The following AUTS2 variants were observed in gnomAD, a reference collection of about 807,000 sequenced individuals.
AUTS2 encodes the protein autism susceptibility gene 2 protein.
In AUTS2, 17 loss-of-function variants were observed where a neutral mutation model predicts 112.4. That is an observed-to-expected ratio of 0.15 (90% CI 0.10 to 0.23). The LOEUF (loss-of-function observed/expected upper bound fraction) is 0.23, where lower values mean the gene tolerates loss of function less well. AUTS2 is among the 10% of genes least tolerant of loss of function. The pLI is 1.00. For synonymous variants in AUTS2, 751 were observed against 702.7 expected (o/e 1.07, Z -1.09); for missense variants, 1,510 against 1,701.6 (o/e 0.89, Z 1.98).
intron 10 of AUTS2, 91 bp downstream of exon 10, chr7:70,768,159 C>G (rs1790056316): frequency 8.1e-7 from 1 of 1,238,750 alleles, no homozygotes; most frequent in Non-Finnish European, 1.1e-6. Context: ...AGCAGCCTTC[C>G]TTAATCATCT....
chr7:69,810,263 G>A (rs1179140018), intron 1 of AUTS2, among the ~76,000 whole-genome samples: 1 of 152,132 alleles, frequency 6.6e-6, no homozygotes, highest in African/African-American at 2.4e-5. Flanking sequence ...CTTAATAATT[G>A]TAGAGTCTTG....
intron 1 of AUTS2, among the ~76,000 whole-genome samples, chr7:69,801,052 A>G (rs954246309): frequency 6.6e-6 from 1 of 151,838 alleles, no homozygotes; most frequent in African/African-American, 2.4e-5. Context: ...TTTCGTTCAT[A>G]CTTACTGTTA....
chr7:70,682,049 G>T (rs1454676259), intron 5 of AUTS2, among the ~76,000 whole-genome samples: 1 of 152,194 alleles, frequency 6.6e-6, no homozygotes, highest in Admixed American at 6.5e-5. Context: ...AGAACCAGAG[G>T]TTTGAGGCAG....
chr7:69,672,090 A>G (rs1024724357), intron 1 of AUTS2, among the ~76,000 whole-genome samples: 15 of 150,506 alleles, frequency 1.0e-4, no homozygotes, highest in Non-Finnish European at 3.0e-5. Context: ...ATGGAGTTTC[A>G]TTCTTGTTGC....
rs562263067 is a variant in AUTS2 at position 69,712,042 on chromosome 7, G to A, written c.309+112080G>A. The stretch of plus-strand genomic sequence containing the variant: ...CCTTTCCTCCATAAGCCATATTTAG[G>A]CATCAATTCAGTATAATACTCCTTC... On this transcript the variant is annotated intron_variant, in intron 1 of 18. Coordinates refer to ENST00000342771, the MANE Select transcript of AUTS2 (RefSeq NM_015570.4). Among the ~76,000 whole-genome samples, 15 of 152,148 alleles carry A rather than the reference G, an allele frequency of 9.9e-5. No individual in the cohort carries two copies. The South Asian group carries it at 3.1e-3, about 32-fold the overall frequency.
At chr7:70,338,833 CTTATTTATTTA>C (rs1215699254) in intron 4 of AUTS2, among the ~76,000 whole-genome samples, 33 of 141,080 alleles carry the variant, frequency 2.3e-4, no homozygotes, top group South Asian at 2.1e-3. Context: ...AGCCTCATCT[CTTATTTATTTA>C]TTTATTTATT....
chr7:70,277,256 C>T (rs1787973443), intron 4 of AUTS2, among the ~76,000 whole-genome samples: 1 of 152,104 alleles, frequency 6.6e-6, no homozygotes, highest in Non-Finnish European at 1.5e-5. Context: ...GAATATAAGA[C>T]AGAGCCTCTT....
At chr7:70,760,198 G>T (rs1789476344) in intron 6 of AUTS2, among the ~76,000 whole-genome samples, 1 of 152,122 alleles carries the variant, frequency 6.6e-6, no homozygotes, top group Non-Finnish European at 1.5e-5. Flanking sequence ...GTAGAGGCAG[G>T]GTTTCACCGT....
At chr7:69,878,284 G>A (rs1481578283) in intron 1 of AUTS2, among the ~76,000 whole-genome samples, 2 of 152,118 alleles carry the variant, frequency 1.3e-5, no homozygotes, top group South Asian at 2.1e-4. Flanking sequence ...GAGGGAGCGG[G>A]GAGGGGAAGG....
chr7:70,278,064 T>G (rs540662058), intron 4 of AUTS2, among the ~76,000 whole-genome samples: 1 of 152,130 alleles, frequency 6.6e-6, no homozygotes, highest in African/African-American at 2.4e-5. Flanking sequence ...TTCTTCCCTT[T>G]AATCTGGTGC....
chr7:69,607,444 G>A (rs913256289), intron 1 of AUTS2, among the ~76,000 whole-genome samples: 2 of 152,078 alleles, frequency 1.3e-5, no homozygotes, highest in African/African-American at 2.4e-5. Flanking sequence ...TGTATGAAAC[G>A]CAGAAATTCA....
intron 6 of AUTS2, among the ~76,000 whole-genome samples, chr7:70,740,428 A>G (rs1054251572): frequency 6.6e-6 from 1 of 152,090 alleles, no homozygotes; most frequent in Non-Finnish European, 1.5e-5. Context: ...GGACTTAGTG[A>G]TGCCTTTATT....
At chr7:70,168,399 C>T (rs182067989) in intron 4 of AUTS2, among the ~76,000 whole-genome samples, 121 of 152,368 alleles carry the variant, frequency 7.9e-4, no homozygotes, top group Non-Finnish European at 7.6e-4. Flanking sequence ...TCACTGCAAT[C>T]TCTGCCTCCC....
intron 2 of AUTS2, among the ~76,000 whole-genome samples, chr7:69,993,011 A>C (rs1798801636): frequency 6.6e-6 from 1 of 152,226 alleles, no homozygotes; most frequent in African/African-American, 2.4e-5. Flanking sequence ...TTATTGGTTT[A>C]AGAGTCAGAG....
At chr7:70,779,007 A>G (rs1790887560) in intron 14 of AUTS2, among the ~76,000 whole-genome samples, 1 of 152,224 alleles carries the variant, frequency 6.6e-6, no homozygotes. Context: ...CTTGAACATG[A>G]GATAACTTCG....
chr7:70,175,488 A>G (rs993117879), intron 4 of AUTS2, among the ~76,000 whole-genome samples: 3 of 152,216 alleles, frequency 2.0e-5, no homozygotes, highest in African/African-American at 4.8e-5. Flanking sequence ...CTATGTGGGT[A>G]ATATGCTATC....
chr7:69,951,568 T>C (rs1797028729), intron 2 of AUTS2, among the ~76,000 whole-genome samples: 1 of 152,098 alleles, frequency 6.6e-6, no homozygotes, highest in South Asian at 2.1e-4. Flanking sequence ...ACTCAGTAAA[T>C]CCACACAGAG....
chr7:70,537,909 T>C (rs1039623711), intron 5 of AUTS2, among the ~76,000 whole-genome samples: 2 of 152,164 alleles, frequency 1.3e-5, no homozygotes, highest in African/African-American at 2.4e-5. Flanking sequence ...CACGGAGGCC[T>C]GCAAGAACAT....
chr7:70,607,948 A>G (rs1272803411), intron 5 of AUTS2, among the ~76,000 whole-genome samples: 1 of 152,176 alleles, frequency 6.6e-6, no homozygotes, highest in East Asian at 1.9e-4. Context: ...AGAAACTTAA[A>G]ACCCTCATTT....
Sources: gnomAD v4.1 joint callset for allele counts (sites outside exome capture counted in the v4.1 genomes callset) on GRCh38, gnomAD v4.1.1 for gene constraint, MANE v1.5 for transcripts, NCBI Gene and HGNC (gene_info 2026-07-23, HGNC 2026-07-21) for gene names.